SLC25A21: variants seen among roughly 807,000 people sequenced by gnomAD.
The protein encoded by SLC25A21 is solute carrier family 25 member 21, also known as mitochondrial 2-oxodicarboxylate carrier.
In SLC25A21, 47 loss-of-function variants were observed where a neutral mutation model predicts 43.8. The observed-to-expected ratio is 1.07, with a 90% CI of 0.85 to 1.37. The LOEUF is 1.37. Among genes scored for constraint, SLC25A21 ranks in the 40% most tolerant of loss-of-function variants. The probability of loss-of-function intolerance (pLI) is 0.00; values close to 1 mark genes in which losing one functional copy is unlikely to be tolerated. For synonymous variants in SLC25A21, 131 were observed against 121.3 expected (o/e 1.08, Z -0.52); for missense variants, 352 against 350.2 (o/e 1.00, Z -0.04).
At chr14:37,145,955 C>T (rs926111178) in intron 1 of SLC25A21, among the ~76,000 whole-genome samples, 1 of 152,010 alleles carries the variant, frequency 6.6e-6, no homozygotes, top group African/African-American at 2.4e-5. Context: ...AACAGTACAT[C>T]GTCTACAGCA....
chr14:37,172,010 T>C (rs1964138303), intron 1 of SLC25A21: 2 of 459,938 alleles, frequency 4.3e-6, no homozygotes, highest in Non-Finnish European at 7.7e-6. Flanking sequence ...CTCTGCCACT[T>C]GCTTTACAGG....
chr14:36,713,553 T>C (rs1001537892), intron 6 of SLC25A21, among the ~76,000 whole-genome samples: 2 of 152,162 alleles, frequency 1.3e-5, no homozygotes, highest in South Asian at 2.1e-4. Flanking sequence ...TAATTGGAAA[T>C]AGGAGCTCAG....
chr14:36,929,435 C>T (rs1487745231), intron 1 of SLC25A21, among the ~76,000 whole-genome samples: 1 of 152,090 alleles, frequency 6.6e-6, no homozygotes, highest in Non-Finnish European at 1.5e-5. Flanking sequence ...CACTGGCTAT[C>T]CCTGACTTGG....
intron 1 of SLC25A21, among the ~76,000 whole-genome samples, chr14:37,151,446 G>C (rs762519260): frequency 2.0e-5 from 3 of 152,156 alleles, no homozygotes; most frequent in Admixed American, 6.5e-5. Context: ...AGCTATGGCT[G>C]GCATTTAAAA....
At chr14:37,085,027 A>T (rs957955963) in intron 1 of SLC25A21, among the ~76,000 whole-genome samples, 1 of 152,052 alleles carries the variant, frequency 6.6e-6, no homozygotes, top group African/African-American at 2.4e-5. Flanking sequence ...GGTTTTTTTT[A>T]ACTGGGCTTT....
At chr14:36,837,590 G>A (rs1480221279) in intron 2 of SLC25A21, among the ~76,000 whole-genome samples, 1 of 152,126 alleles carries the variant, frequency 6.6e-6, no homozygotes, top group African/African-American at 2.4e-5. Flanking sequence ...TGAGGGCTGT[G>A]GGGCCATGTC....
At chr14:36,756,788 C>A (rs897392373) in intron 3 of SLC25A21, among the ~76,000 whole-genome samples, 1 of 152,148 alleles carries the variant, frequency 6.6e-6, no homozygotes, top group African/African-American at 2.4e-5. Flanking sequence ...AAAAGCAATA[C>A]ATATTCAAGA....
Position 36,683,882 on chromosome 14 carries a change from TG to T in SLC25A21, c.786-3del. The T allele has an allele frequency of 6.2e-7, 1 of 1,602,970 alleles. No homozygotes were observed. The highest frequency in any genetic ancestry group is 8.5e-7 in the Non-Finnish European group (1 of 1,173,408). On this transcript the variant is annotated splice_polypyrimidine_tract_variant and splice_region_variant and intron_variant, in intron 8 of 9. Coordinates refer to ENST00000331299, the MANE Select transcript of SLC25A21 (RefSeq NM_030631.4). The stretch of plus-strand genomic sequence containing the variant: ...AGGCCTTTGTACAAAGCTAAAATCC[TG>T]TAATGGGAAGGGAAAGAGAAACGTT...
intron 2 of SLC25A21, among the ~76,000 whole-genome samples, chr14:36,828,014 C>T (rs958184686): frequency 1.3e-5 from 2 of 152,090 alleles, no homozygotes; most frequent in African/African-American, 4.8e-5. Flanking sequence ...TTCATGCCTT[C>T]ATCAAAGGAT....
At chr14:36,736,801 A>G (rs1885059979) in intron 3 of SLC25A21, among the ~76,000 whole-genome samples, 1 of 152,206 alleles carries the variant, frequency 6.6e-6, no homozygotes, top group Non-Finnish European at 1.5e-5. Context: ...GATCTTTTGA[A>G]AGGTGTGTGT....
At chr14:37,033,090 C>T (rs1190816338) in intron 1 of SLC25A21, among the ~76,000 whole-genome samples, 2 of 152,140 alleles carry the variant, frequency 1.3e-5, no homozygotes, top group Non-Finnish European at 2.9e-5. Flanking sequence ...TTTCATCTTA[C>T]AAAACTAACA....
At chr14:37,112,979 T>C (rs1330499104) in intron 1 of SLC25A21, among the ~76,000 whole-genome samples, 1 of 152,080 alleles carries the variant, frequency 6.6e-6, no homozygotes, top group African/African-American at 2.4e-5. Flanking sequence ...AAAATCGGAA[T>C]AGATGCAAAG....
intron 7 of SLC25A21, among the ~76,000 whole-genome samples, chr14:36,698,187 G>A (rs960535761): frequency 2.6e-5 from 4 of 152,094 alleles, no homozygotes; most frequent in African/African-American, 9.7e-5. Context: ...TAGTTTGGCT[G>A]GATATGAAAT....
chr14:36,928,036 T>C (rs960274372), intron 1 of SLC25A21, among the ~76,000 whole-genome samples: 19 of 152,086 alleles, frequency 1.2e-4, no homozygotes, highest in African/African-American at 4.3e-4. Flanking sequence ...ACGGCTACAA[T>C]GCTAAATAGA....
Position 36,918,303 on chromosome 14 carries a change from C to G in SLC25A21, c.71-43299G>C, listed in dbSNP as rs112637176. On this transcript the variant is annotated intron_variant, in intron 1 of 9. Coordinates refer to ENST00000331299, the MANE Select transcript of SLC25A21 (RefSeq NM_030631.4). ...CTATAGCATCAGACTCATGGGTCAC[C>G]CATCCCAGAATCACATGTTCTTACA... Among the ~76,000 whole-genome samples the G allele has an allele frequency of 4.2e-3, 634 of 152,260 alleles. 7 individuals carry two copies. The highest frequency in any genetic ancestry group is 0.015 in the African/African-American group (605 of 41,548).
intron 3 of SLC25A21, among the ~76,000 whole-genome samples, chr14:36,780,580 T>G (rs568766883): frequency 6.6e-6 from 1 of 152,208 alleles, no homozygotes; most frequent in East Asian, 1.9e-4. Flanking sequence ...TTTTATTCCT[T>G]GACTCATTGG....
chr14:37,164,240 AT>A (rs1963995602), intron 1 of SLC25A21, among the ~76,000 whole-genome samples: 1 of 152,162 alleles, frequency 6.6e-6, no homozygotes, highest in Non-Finnish European at 1.5e-5. Context: ...TGAGAACTAG[AT>A]TTTCTTAAAG....
chr14:36,783,981 AT>A (rs1347560726), intron 3 of SLC25A21, among the ~76,000 whole-genome samples: 6 of 152,154 alleles, frequency 3.9e-5, no homozygotes, highest in Non-Finnish European at 8.8e-5. Context: ...GAGATGAATA[AT>A]TTTTTTCAAC....
chr14:36,823,746 G>T (rs1401990767), intron 2 of SLC25A21, among the ~76,000 whole-genome samples: 1 of 152,078 alleles, frequency 6.6e-6, no homozygotes, highest in African/African-American at 2.4e-5. Context: ...AAAATTTGAC[G>T]CCCCAACCCA....
Sources: gnomAD v4.1 joint callset for allele counts (sites outside exome capture counted in the v4.1 genomes callset) on GRCh38, gnomAD v4.1.1 for gene constraint, MANE v1.5 for transcripts, NCBI Gene and HGNC (gene_info 2026-07-23, HGNC 2026-07-21) for gene names.